MYOM1: variants seen among roughly 807,000 people sequenced by gnomAD.
The protein encoded by MYOM1 is myomesin-1.
Under a neutral mutation model 205.3 loss-of-function variants are expected in MYOM1, and 164 were observed. The observed-to-expected ratio is 0.80, with a 90% CI of 0.70 to 0.91. MYOM1 has a LOEUF of 0.91. Ranked by LOEUF, MYOM1 falls within the 40% of genes least tolerant of loss-of-function variation. The pLI is 0.00. For synonymous variants in MYOM1, 772 were observed against 789.4 expected (o/e 0.98, Z 0.37); for missense variants, 2,011 against 2,127.3 (o/e 0.95, Z 1.08).
chr18:3,108,190 C>T (rs573769881), intron 22 of MYOM1, among the ~76,000 whole-genome samples: 29 of 152,284 alleles, frequency 1.9e-4, no homozygotes, highest in African/African-American at 4.6e-4. Context: ...CTAGGTCTCT[C>T]GCTTCAGCTG....
intron 25 of MYOM1, among the ~76,000 whole-genome samples, chr18:3,099,049 C>G (rs2079343399): frequency 6.6e-6 from 1 of 152,090 alleles, no homozygotes; most frequent in Non-Finnish European, 1.5e-5. Flanking sequence ...GAACTCCTGG[C>G]CTCAAGTGAT....
In MYOM1 at chr18:3,176,137, A is replaced by G. The variant is rs1301794916; in HGVS notation, c.930-3T>C. On this transcript the variant is annotated splice_region_variant and splice_polypyrimidine_tract_variant and intron_variant, in intron 5 of 37. Transcript: ENST00000356443. ...TTATTGGCACCTGGTTTTTATACCT[A>G]TAACAGAATGGAAACAAAATGAAGT... 12 of 1,570,688 alleles carry G rather than the reference A, an allele frequency of 7.6e-6. No individual in the cohort carries two copies. Among genetic ancestry groups the G allele is most frequent in the Admixed American group, 1.7e-5 (1 of 59,754 alleles).
rs2079948011 is a variant in MYOM1 at position 3,135,704 on chromosome 18, C to T, written c.2052G>A (p.Gln684=). 1 of 1,613,938 alleles carries T rather than the reference C, an allele frequency of 6.2e-7. No individual in the cohort carries two copies. The highest frequency in any genetic ancestry group is 1.7e-4 in the Middle Eastern group (1 of 6,060). ...EKCEAGTENW[Q]RVNTELPVKS... is the part of the protein sequence containing the mutation. ...TCACAGGGAGCTCCGTGTTCACTCGCTGCCAGTTTTCTGTTCCTGCCTCAC... is the reference window on the plus strand; with the variant it reads ...TCACAGGGAGCTCCGTGTTCACTCGTTGCCAGTTTTCTGTTCCTGCCTCAC... Residue 684 remains glutamine (Q), a synonymous_variant, in exon 15 of 38, where the codon CAG becomes CAA. Coordinates refer to ENST00000356443, the MANE Select transcript of MYOM1 (RefSeq NM_003803.4). This position sits in a 1 kb window ranked among gnomAD's most constrained non-coding sequence, Gnocchi z 4.1.
chr18:3,101,402 C>T (rs1343218391), intron 23 of MYOM1, among the ~76,000 whole-genome samples: 2 of 152,276 alleles, frequency 1.3e-5, no homozygotes, highest in East Asian at 3.9e-4. Context: ...AAAATCTTGG[C>T]GTTGAAAGGC....
intron 14 of MYOM1, among the ~76,000 whole-genome samples, chr18:3,136,391 G>C (rs1167294705): frequency 6.6e-6 from 1 of 151,756 alleles, no homozygotes; most frequent in Non-Finnish European, 1.5e-5. Flanking sequence ...TTGGGGTCAG[G>C]TAATTTTCTA....
At chr18:3,203,349 G>C (rs1439572427) in intron 2 of MYOM1, among the ~76,000 whole-genome samples, 1 of 151,434 alleles carries the variant, frequency 6.6e-6, no homozygotes, top group Non-Finnish European at 1.5e-5. Context: ...ACAAAAGTTG[G>C]TTCTTTGAAA....
intron 10 of MYOM1, among the ~76,000 whole-genome samples, chr18:3,156,046 G>A (rs2080297408): frequency 6.6e-6 from 1 of 152,172 alleles, no homozygotes; most frequent in Non-Finnish European, 1.5e-5. Flanking sequence ...TGACCACACG[G>A]CCCCTCAGGC....
intron 14 of MYOM1, among the ~76,000 whole-genome samples, chr18:3,140,608 T>G (rs2080034666): frequency 6.6e-6 from 1 of 152,186 alleles, no homozygotes; most frequent in South Asian, 2.1e-4. Context: ...CTCAAAGATA[T>G]TTGCATATTG....
rs535663770 is a variant in MYOM1, at chr18:3,219,589, T to C, written c.-29+214A>G. 6.6e-6 allele frequency among the ~76,000 whole-genome samples: 1 copy of C among 152,326 alleles called. No individual in the cohort carries two copies. The highest frequency in any genetic ancestry group is 2.1e-4 in the South Asian group (1 of 4,830). ...GAACAGCAGCTTAATTTCAGAAGAA[T>C]ACAGTGATGTGAGAGAAGAGCTGTG... is the stretch of plus-strand genomic sequence containing the variant. On this transcript the variant is annotated intron_variant, in intron 1 of 37. Transcript: ENST00000356443. This position sits in a 1 kb window ranked among gnomAD's most constrained non-coding sequence, Gnocchi z 4.4.
chr18:3,222,499 G>A (rs559177799), upstream of MYOM1, among the ~76,000 whole-genome samples: 1 of 152,270 alleles, frequency 6.6e-6, no homozygotes, highest in African/African-American at 2.4e-5. Flanking sequence ...TTTCTATAGT[G>A]TGTGTGCACT....
At chr18:3,164,561 G>T in intron 9 of MYOM1, 122 bp from the exon 10 acceptor site, 8 of 954,386 alleles carry the variant, frequency 8.4e-6, no homozygotes, top group Non-Finnish European at 1.2e-5. Context: ...ACTAGAGGAA[G>T]TCTCTAGGAC....
chr18:3,090,875 T>G, intron 26 of MYOM1, 73 bp from the exon 27 acceptor site: 8 of 1,581,924 alleles, frequency 5.1e-6, no homozygotes, highest in Non-Finnish European at 6.9e-6. Context: ...ACAAGCTTGA[T>G]GAAATAAAAA....
intron 9 of MYOM1, among the ~76,000 whole-genome samples, chr18:3,166,263 C>CTTTTTTT (rs765532198): frequency 9.9e-5 from 11 of 111,664 alleles, no homozygotes; most frequent in South Asian, 3.1e-4. Context: ...TATCTCAAGT[C>CTTTTTTT]TTTTTTTTTT....
At chr18:3,234,879 G>C in the MYOM1 span, among the ~76,000 whole-genome samples, 1 of 151,454 alleles carries the variant, frequency 6.6e-6, no homozygotes, top group Non-Finnish European at 1.5e-5. Flanking sequence ...TGAAAAATTT[G>C]GTCTCTCTTT....
At position 3,127,891 on chromosome 18, in the gene MYOM1, C is replaced by G. The variant is rs73373161; in HGVS notation, c.2795-994G>C. On this transcript the variant is annotated intron_variant, in intron 18 of 37. Transcript: ENST00000356443. ...ACAGCTGTCACCATGTTTATCAGTG[C>G]TTAGCTAGAAAAATATCTGGAGGAT... Among the ~76,000 whole-genome samples, 1,033 of 152,234 alleles carry G rather than the reference C, an allele frequency of 6.8e-3. 11 individuals carry two copies. The highest frequency in any genetic ancestry group is 0.023 in the African/African-American group (941 of 41,536).
At chr18:3,071,800 A>G in intron 37 of MYOM1, 34 bp downstream of exon 37, 1 of 1,577,712 alleles carries the variant, frequency 6.3e-7, no homozygotes, top group Non-Finnish European at 8.6e-7. Flanking sequence ...TTCATAGTGC[A>G]GAAGGAGCAG....
At chr18:3,084,686 T>C (rs555214540) in intron 31 of MYOM1, among the ~76,000 whole-genome samples, 1 of 152,252 alleles carries the variant, frequency 6.6e-6, no homozygotes, top group Non-Finnish European at 1.5e-5. Context: ...ATTTCATATA[T>C]AAATCTTGCT....
At chr18:3,157,405 T>C (rs946030613) in intron 10 of MYOM1, among the ~76,000 whole-genome samples, 1 of 152,052 alleles carries the variant, frequency 6.6e-6, no homozygotes, top group Non-Finnish European at 1.5e-5. Flanking sequence ...AAAATAAGGA[T>C]CCTAGCTGGG....
At chr18:3,201,007 A>G (rs2144206669) in intron 2 of MYOM1, among the ~76,000 whole-genome samples, 1 of 152,368 alleles carries the variant, frequency 6.6e-6, no homozygotes, top group South Asian at 2.1e-4. Context: ...GATTCTTTAC[A>G]CACAGGGGAA....
Sources: gnomAD v4.1 joint callset for allele counts (sites outside exome capture counted in the v4.1 genomes callset) on GRCh38, gnomAD v4.1.1 for gene constraint, Gnocchi (gnomAD v3.1) non-coding constraint, MANE v1.5 for transcripts, NCBI Gene and HGNC (gene_info 2026-07-23, HGNC 2026-07-21) for gene names.